Variants in MRTFB observed in about 807,000 individuals in gnomAD.
MRTFB encodes the protein myocardin-related transcription factor B.
In MRTFB, 29 loss-of-function variants were observed where a neutral mutation model predicts 104.2. The observed-to-expected ratio is 0.28, with a 90% CI of 0.21 to 0.38. The LOEUF is 0.38. Among genes scored for constraint, MRTFB ranks in the 10% least tolerant of loss-of-function variants. The probability of loss-of-function intolerance (pLI) is 1.00; values close to 1 mark genes in which losing one functional copy is unlikely to be tolerated. For missense variants in MRTFB, 1,270 were observed against 1,341.6 expected, an observed-to-expected ratio of 0.95 and a Z score of 0.83; for synonymous variants, 535 against 519.5, an observed-to-expected ratio of 1.03 and a Z score of -0.41.
At chr16:14,239,182 A>C (rs1203031084) in intron 9 of MRTFB, among the ~76,000 whole-genome samples, 1 of 144,894 alleles carries the variant, frequency 6.9e-6, no homozygotes, top group Non-Finnish European at 1.5e-5. Flanking sequence ...GACATGTCAG[A>C]TGAAGAGAGA....
chr16:14,120,423 G>T (rs2036784908), intron 2 of MRTFB, among the ~76,000 whole-genome samples: 1 of 151,556 alleles, frequency 6.6e-6, no homozygotes, highest in Non-Finnish European at 1.5e-5. Flanking sequence ...AGTTTGTTCT[G>T]TTTTTTTTCA....
intron 8 of MRTFB, among the ~76,000 whole-genome samples, chr16:14,226,275 G>C (rs995174321): frequency 6.6e-6 from 1 of 152,086 alleles, no homozygotes; most frequent in East Asian, 1.9e-4. Context: ...AAAAGTTAGA[G>C]GTCTCATGCT....
rs759142642 is a variant in MRTFB, at chr16:14,247,365, C to A, written c.2105C>A (p.Ser702Tyr). 2 of 1,613,966 alleles carry A rather than the reference C, an allele frequency of 1.2e-6. No individual in the cohort carries two copies. Among genetic ancestry groups the A allele is most frequent in the African/African-American group, 2.7e-5 (2 of 74,908 alleles). The change falls in exon 12 of 17, where the codon TCC becomes TAC. Residue 702 changes from serine (S) to tyrosine (Y), a missense_variant. Transcript: ENST00000571589. ...GTCGTCTCGCAGTTTTATGTGAGTT[C>A]CCAGGGACAGCCACCGCCTGCTGTT... is the stretch of plus-strand genomic sequence containing the variant. Reference protein sequence around the residue: ...QSVVSQFYVSSQGQPPPAVVA... With the variant: ...QSVVSQFYVSYQGQPPPAVVA...
At chr16:14,005,351 C>T in the MRTFB span, among the ~76,000 whole-genome samples, 1 of 152,162 alleles carries the variant, frequency 6.6e-6, no homozygotes, top group East Asian at 1.9e-4. Flanking sequence ...GCCGATCACA[C>T]ACCGTGCAAA....
chr16:14,157,497 G>T (rs959169079), intron 3 of MRTFB, among the ~76,000 whole-genome samples: 6 of 152,124 alleles, frequency 3.9e-5, no homozygotes, highest in Non-Finnish European at 8.8e-5. Flanking sequence ...TTCCCACCTT[G>T]GTTCACAGGG....
intron 12 of MRTFB, 187 bp downstream of exon 12, chr16:14,247,694 A>G: frequency 1.7e-6 from 1 of 600,654 alleles, no homozygotes; most frequent in Non-Finnish European, 2.9e-6. Flanking sequence ...ATATAGTGAA[A>G]AAAACACAGG....
the MRTFB span, among the ~76,000 whole-genome samples, chr16:14,063,847 G>A: frequency 0.024 from 3,673 of 152,294 alleles, 68 homozygotes; most frequent in Middle Eastern, 0.085. Flanking sequence ...TGGTGTATAG[G>A]TACCACATTT....
rs1238313487 is a variant in MRTFB at position 14,266,211 on chromosome 16, G to A, written c.*4767G>A. 6.6e-6 allele frequency: 1 copy of A among 152,190 alleles called. No homozygotes were observed. Among genetic ancestry groups the A allele is most frequent in the Non-Finnish European group, 1.5e-5 (1 of 68,026 alleles). 9.4% of individuals were successfully genotyped at this position (152,190 alleles called of 1,614,324 possible). ...TTAAGGTTATAATTTTCACTAAGAT[G>A]TAGATATTTCTCTTATTGTTTTCAT... On this transcript the variant is annotated 3_prime_UTR_variant, in exon 17 of 17. Transcript: ENST00000571589.
the MRTFB span, among the ~76,000 whole-genome samples, chr16:14,061,006 T>C: frequency 6.6e-6 from 1 of 151,784 alleles, no homozygotes; most frequent in Non-Finnish European, 1.5e-5. Flanking sequence ...CTTAGCCAGG[T>C]GTGGTGGTGG....
the MRTFB span, among the ~76,000 whole-genome samples, chr16:13,997,521 G>A: frequency 6.6e-6 from 1 of 152,132 alleles, no homozygotes; most frequent in Non-Finnish European, 1.5e-5. Flanking sequence ...TCAGCTAGGC[G>A]TGGCGGCTCA....
In MRTFB at chr16:14,097,131, G is replaced by A. The variant is rs74652282; in HGVS notation, c.-64+17777G>A. Among the ~76,000 whole-genome samples, 127 of 152,330 alleles carry A rather than the reference G, an allele frequency of 8.3e-4. 4 individuals are homozygous for A. In the East Asian group the frequency reaches 0.024, roughly 28 times the overall value. ...ATTATGACCTTATAAATTATTCTAA[G>A]AGGAGATGCAGAGTGGCCTTGCAGT... On this transcript the variant is annotated intron_variant, in intron 2 of 16. Coordinates refer to ENST00000571589, the MANE Select transcript of MRTFB (RefSeq NM_001308142.2).
At chr16:14,025,434 T>C in the MRTFB span, among the ~76,000 whole-genome samples, 3 of 152,252 alleles carry the variant, frequency 2.0e-5, no homozygotes, top group Non-Finnish European at 4.4e-5. Context: ...AGTTGTATCT[T>C]AGTTTGCTTT....
intron 2 of MRTFB, among the ~76,000 whole-genome samples, chr16:14,121,837 C>T (rs558530306): frequency 6.6e-6 from 1 of 152,056 alleles, no homozygotes; most frequent in Non-Finnish European, 1.5e-5. Flanking sequence ...CATATGTGGC[C>T]GTCAAGCCCT....
At chr16:14,067,234 T>G (rs1213370940), upstream of MRTFB, among the ~76,000 whole-genome samples, 2 of 151,442 alleles carry the variant, frequency 1.3e-5, no homozygotes, top group East Asian at 3.9e-4. Context: ...TTTTTTTTTT[T>G]TTTTTGAGAC....
At chr16:14,070,134 A>T (rs1256627646), upstream of MRTFB, among the ~76,000 whole-genome samples, 1 of 151,920 alleles carries the variant, frequency 6.6e-6, no homozygotes, top group African/African-American at 2.4e-5. Context: ...GCTACCTAGA[A>T]CCTCCAGGGC....
intron 2 of MRTFB, among the ~76,000 whole-genome samples, chr16:14,105,967 A>C (rs2035952690): frequency 6.6e-6 from 1 of 152,226 alleles, no homozygotes; most frequent in Admixed American, 6.5e-5. Flanking sequence ...ATGGAAACAA[A>C]TATGAATTGT....
At chr16:14,101,512 G>A (rs2035700957) in intron 2 of MRTFB, among the ~76,000 whole-genome samples, 2 of 152,190 alleles carry the variant, frequency 1.3e-5, no homozygotes, top group East Asian at 1.9e-4. Context: ...TTGCTGTATT[G>A]TGAAAAATGA....
At chr16:14,209,017 A>T (rs1411889746) in intron 3 of MRTFB, among the ~76,000 whole-genome samples, 1 of 152,232 alleles carries the variant, frequency 6.6e-6, no homozygotes, top group African/African-American at 2.4e-5. Flanking sequence ...GATGACATTC[A>T]TATCAAACAA....
rs2043917837 is a variant in MRTFB at position 14,265,515 on chromosome 16, T to C, written c.*4071T>C. 1 of 152,212 alleles carries C rather than the reference T, an allele frequency of 6.6e-6. No homozygotes were observed. The highest frequency in any genetic ancestry group is 2.4e-5 in the African/African-American group (1 of 41,446). The allele number at this position is 152,212 out of a possible 1,614,324, so 9.4% of individuals were successfully genotyped here. ...GAAAACAACTAAGATGTAGTAATTT[T>C]TTTTTCCTGGTTCAAACCTTCAATA... On this transcript the variant is annotated 3_prime_UTR_variant, in exon 17 of 17. Transcript: ENST00000571589.
Sources: allele counts gnomAD v4.1 joint callset (sites outside exome capture counted in the v4.1 genomes callset), GRCh38; gene constraint gnomAD v4.1.1; transcripts MANE v1.5; gene names NCBI Gene and HGNC (gene_info 2026-07-23, HGNC 2026-07-21).